PTPRN2: variants seen among roughly 807,000 people sequenced by gnomAD.
The protein encoded by PTPRN2 is protein tyrosine phosphatase receptor type N2, also known as receptor-type tyrosine-protein phosphatase N2.
A neutral mutation model predicts 118.8 loss-of-function variants in PTPRN2; 74 were observed. The ratio of observed to expected loss-of-function variants is 0.62; its 90% confidence interval spans 0.52 to 0.76. The LOEUF is 0.76. PTPRN2 is among the 30% of genes least tolerant of loss of function. The pLI is 0.00. For synonymous variants in PTPRN2, 641 were observed against 608.0 expected (o/e 1.05, Z -0.80); for missense variants, 1,481 against 1,394.4 (o/e 1.06, Z -0.99).
intron 5 of PTPRN2, among the ~76,000 whole-genome samples, chr7:158,190,932 G>A (rs2150700072): frequency 6.6e-6 from 1 of 152,376 alleles, no homozygotes; most frequent in African/African-American, 2.4e-5. Context: ...AGAACCATGG[G>A]GCCAAGGCCG....
chr7:158,259,550 T>G (rs1797250997), intron 3 of PTPRN2, among the ~76,000 whole-genome samples: 1 of 152,180 alleles, frequency 6.6e-6, no homozygotes, highest in Non-Finnish European at 1.5e-5. Flanking sequence ...AGGGCGTGTC[T>G]GCCAAAGGTG....
chr7:157,612,723 C>A, intron 15 of PTPRN2, among the ~76,000 whole-genome samples: 1 of 152,214 alleles, frequency 6.6e-6, no homozygotes, highest in East Asian at 1.9e-4. Context: ...GGAACCTACA[C>A]ATTAGCTCCC....
chr7:157,877,878 G>A (rs1376814787), intron 12 of PTPRN2, among the ~76,000 whole-genome samples: 1 of 152,316 alleles, frequency 6.6e-6, no homozygotes, highest in Admixed American at 6.5e-5. Context: ...CTGCTTGACC[G>A]GGGAGAAGAG....
intron 15 of PTPRN2, among the ~76,000 whole-genome samples, chr7:157,606,769 G>A (rs1052104697): frequency 1.3e-5 from 2 of 152,126 alleles, no homozygotes; most frequent in African/African-American, 2.4e-5. Flanking sequence ...CATTTTTCTT[G>A]GAGATTTTAC....
intron 6 of PTPRN2, among the ~76,000 whole-genome samples, chr7:158,151,108 G>A (rs116859598): frequency 0.19 from 1,771 of 9,200 alleles, 498 homozygotes; most frequent in African/African-American, 0.28. Context: ...CCGCCTTTCT[G>A]CTCCTACCCC....
intron 11 of PTPRN2, among the ~76,000 whole-genome samples, chr7:157,972,838 A>G (rs113770887): frequency 2.9e-5 from 4 of 137,652 alleles, no homozygotes; most frequent in Non-Finnish European, 4.7e-5. Flanking sequence ...CACCACGAGA[A>G]CAGGGCTTCA....
intron 3 of PTPRN2, among the ~76,000 whole-genome samples, chr7:158,252,308 A>C (rs1796736238): frequency 6.6e-6 from 1 of 152,168 alleles, no homozygotes; most frequent in Non-Finnish European, 1.5e-5. Flanking sequence ...CTCAGTGCCA[A>C]TTACTTGGAG....
rs115411865 is a variant in PTPRN2 at position 157,995,263 on chromosome 7, C to T, written c.1723+86035G>A. On this transcript the variant is annotated intron_variant, in intron 11 of 22. Coordinates refer to ENST00000389418, the MANE Select transcript of PTPRN2 (RefSeq NM_002847.5). ...AAATCAACGCTGCATCCCCAGCTTA[C>T]AACTCCTTGTTCCTAAAATCAACGC... 9.7e-3 allele frequency among the ~76,000 whole-genome samples: 1,461 copies of T among 150,684 alleles called. 14 individuals are homozygous for T. Among genetic ancestry groups the T allele is most frequent in the African/African-American group, 0.033 (1,372 of 41,046 alleles).
chr7:158,328,793 T>TCCC (rs368096894), intron 2 of PTPRN2, among the ~76,000 whole-genome samples: 25 of 134,014 alleles, frequency 1.9e-4, no homozygotes, highest in African/African-American at 5.7e-4. Flanking sequence ...GGGCCTCCAT[T>TCCC]CCCCCCCCCC....
chr7:158,032,753 C>A (rs1437150431), intron 11 of PTPRN2, among the ~76,000 whole-genome samples: 1 of 152,160 alleles, frequency 6.6e-6, no homozygotes, highest in Non-Finnish European at 1.5e-5. Flanking sequence ...ACATGCAGGG[C>A]AGATGGGGCT....
At chr7:158,493,074 T>C (rs185924475) in intron 1 of PTPRN2, among the ~76,000 whole-genome samples, 25 of 152,360 alleles carry the variant, frequency 1.6e-4, no homozygotes, top group African/African-American at 5.5e-4. Flanking sequence ...CCCTTTTGCA[T>C]GAAAACATGT....
At chr7:158,507,470 C>A (rs1822839718) in intron 1 of PTPRN2, among the ~76,000 whole-genome samples, 1 of 151,076 alleles carries the variant, frequency 6.6e-6, no homozygotes, top group Admixed American at 6.6e-5. Flanking sequence ...AAATCACACA[C>A]ATGAAGGTCA....
At chr7:158,521,656 A>G (rs58620619) in intron 1 of PTPRN2, among the ~76,000 whole-genome samples, 1,586 of 25,260 alleles carry the variant, frequency 0.063, 92 homozygotes, top group East Asian at 0.21. Context: ...TGGACTGTCC[A>G]GGTGCTGGCT....
chr7:158,058,137 C>T (rs1328510904), intron 11 of PTPRN2, among the ~76,000 whole-genome samples: 13 of 152,234 alleles, frequency 8.5e-5, no homozygotes, highest in African/African-American at 2.4e-4. Flanking sequence ...CATCTGCGCA[C>T]GGTGACGCAT....
rs186380625 is a variant in PTPRN2 at position 158,461,224 on chromosome 7, G to A, written c.163+28511C>T. On this transcript the variant is annotated intron_variant, in intron 2 of 22. Transcript: ENST00000389418. ...ATCTTACAGCATAAAGGCCGGGCGC[G>A]GTGGCTCATGCCTGTAATCCCAGCA... Among the ~76,000 whole-genome samples, 448 of 152,236 alleles carry A rather than the reference G, an allele frequency of 2.9e-3. 4 individuals are homozygous for A. The highest frequency in any genetic ancestry group is 0.01 in the African/African-American group (420 of 41,518).
At chr7:157,913,541 T>C (rs1301862268) in intron 11 of PTPRN2, among the ~76,000 whole-genome samples, 1 of 152,220 alleles carries the variant, frequency 6.6e-6, no homozygotes, top group East Asian at 1.9e-4. Flanking sequence ...GTAGGGTCTT[T>C]AAAAAATCAA....
intron 13 of PTPRN2, among the ~76,000 whole-genome samples, chr7:157,668,922 C>T (rs185544381): frequency 3.9e-5 from 6 of 152,330 alleles, no homozygotes; most frequent in Admixed American, 3.3e-4. Context: ...CACCTCTCCC[C>T]GATCATGACA....
intron 2 of PTPRN2, among the ~76,000 whole-genome samples, chr7:158,325,204 C>G (rs940783578): frequency 6.6e-6 from 1 of 152,252 alleles, no homozygotes; most frequent in African/African-American, 2.4e-5. Context: ...ACAGGGGGTC[C>G]CCCAGCCAGG....
intron 14 of PTPRN2, among the ~76,000 whole-genome samples, chr7:157,637,997 T>C (rs1182931762): frequency 6.6e-6 from 1 of 152,232 alleles, no homozygotes; most frequent in African/African-American, 2.4e-5. Context: ...GCACCTTATT[T>C]GAAAATGCCG....
Sources: gnomAD v4.1 joint callset for allele counts (sites outside exome capture counted in the v4.1 genomes callset) on GRCh38, gnomAD v4.1.1 for gene constraint, MANE v1.5 for transcripts, NCBI Gene and HGNC (gene_info 2026-07-23, HGNC 2026-07-21) for gene names.